The following BACH2 variants were observed in gnomAD, a reference collection of about 807,000 sequenced individuals.
BACH2 encodes transcription regulator protein BACH2.
In BACH2, 5 loss-of-function variants were observed where a neutral mutation model predicts 61.8. The ratio of observed to expected loss-of-function variants is 0.08; its 90% CI spans 0.04 to 0.17. BACH2 has a LOEUF of 0.17. Among genes scored for constraint, BACH2 ranks in the 10% least tolerant of loss-of-function variants. The pLI is 1.00. For synonymous variants in BACH2, 446 were observed against 440.1 expected (o/e 1.01, Z -0.17); for missense variants, 824 against 1,091.1 (o/e 0.76, Z 3.45).
intron 4 of BACH2, among the ~76,000 whole-genome samples, chr6:90,134,961 TG>T (rs1784222108): frequency 6.6e-6 from 1 of 152,130 alleles, no homozygotes; most frequent in South Asian, 2.1e-4. Context: ...GCAGGAAACA[TG>T]GGATGAACAG....
intron 4 of BACH2, among the ~76,000 whole-genome samples, chr6:90,196,693 C>G (rs1309793055): frequency 6.6e-6 from 1 of 151,990 alleles, no homozygotes; most frequent in African/African-American, 2.4e-5. Flanking sequence ...ACAGGTGCTC[C>G]TTGATCACTA....
chr6:90,243,367 T>C (rs528452785), intron 3 of BACH2, among the ~76,000 whole-genome samples: 153 of 152,328 alleles, frequency 1.0e-3, no homozygotes, highest in African/African-American at 3.5e-3. Context: ...TTTAGTATCA[T>C]TTTCAATGAA....
intron 2 of BACH2, among the ~76,000 whole-genome samples, chr6:90,254,856 T>C (rs1466807548): frequency 1.3e-5 from 2 of 152,210 alleles, no homozygotes; most frequent in African/African-American, 4.8e-5. Flanking sequence ...GTTATTGTAA[T>C]GTTTCAAACT....
chr6:90,240,813 A>C (rs1770425311), intron 3 of BACH2, among the ~76,000 whole-genome samples: 1 of 152,208 alleles, frequency 6.6e-6, no homozygotes, highest in South Asian at 2.1e-4. Flanking sequence ...CAGCAACCAA[A>C]GGTTAATACT....
chr6:90,164,932 T>C (rs1463450585), intron 4 of BACH2, among the ~76,000 whole-genome samples: 3 of 152,188 alleles, frequency 2.0e-5, no homozygotes, highest in Middle Eastern at 3.4e-3. Context: ...TAAGAGCTAT[T>C]TATGACAAAC....
intron 4 of BACH2, among the ~76,000 whole-genome samples, chr6:90,191,377 T>C (rs1768565203): frequency 6.6e-6 from 1 of 152,234 alleles, no homozygotes; most frequent in African/African-American, 2.4e-5. Context: ...CTTTAATGAT[T>C]AGATGGAACA....
At chr6:90,252,647 C>T (rs1277696119) in intron 2 of BACH2, 57 bp from the exon 3 acceptor site, 1 of 152,124 alleles carries the variant, frequency 6.6e-6, no homozygotes, top group South Asian at 2.1e-4. Context: ...TGTATTTGCC[C>T]ATTTTTATCA....
chr6:90,247,846 G>A (rs929117262), intron 3 of BACH2, among the ~76,000 whole-genome samples: 1 of 152,078 alleles, frequency 6.6e-6, no homozygotes, highest in Admixed American at 6.6e-5. Flanking sequence ...GTAGCACTTC[G>A]GTCTCTGCTT....
chr6:89,939,323 C>A (rs749046380), intron 7 of BACH2, among the ~76,000 whole-genome samples: 1 of 152,198 alleles, frequency 6.6e-6, no homozygotes, highest in Non-Finnish European at 1.5e-5. Flanking sequence ...TTGAGTGTAG[C>A]CCCAGCCAAC....
intron 4 of BACH2, among the ~76,000 whole-genome samples, chr6:90,120,394 T>G (rs2127819529): frequency 6.6e-6 from 1 of 152,344 alleles, no homozygotes; most frequent in Non-Finnish European, 1.5e-5. Flanking sequence ...TAAAAAACCC[T>G]ACTTTATTAA....
chr6:90,283,087 A>G (rs752598501), intron 1 of BACH2, among the ~76,000 whole-genome samples: 1 of 152,190 alleles, frequency 6.6e-6, no homozygotes, highest in Non-Finnish European at 1.5e-5. Flanking sequence ...TTTAATCTGC[A>G]TGTGTTTGTT....
intron 5 of BACH2, among the ~76,000 whole-genome samples, chr6:90,084,390 G>A (rs1045043085): frequency 2.7e-5 from 4 of 147,998 alleles, no homozygotes; most frequent in African/African-American, 7.3e-5. Flanking sequence ...ATGAACTCAT[G>A]GGGGGGGAAT....
intron 5 of BACH2, among the ~76,000 whole-genome samples, chr6:90,070,654 C>T (rs137998131): frequency 4.6e-5 from 7 of 152,342 alleles, no homozygotes; most frequent in Non-Finnish European, 1.0e-4. Context: ...AAGACAATGA[C>T]TCTCATTCCA....
chr6:90,169,167 T>C (rs1256225909), intron 4 of BACH2, among the ~76,000 whole-genome samples: 2 of 146,814 alleles, frequency 1.4e-5, no homozygotes, highest in African/African-American at 4.9e-5. Context: ...TTACTGGTGA[T>C]TAAAAAAAAA....
At chr6:89,977,354 G>A (rs6454792) in intron 6 of BACH2, among the ~76,000 whole-genome samples, 82,716 of 152,080 alleles carry the variant, frequency 0.54, 22,741 homozygotes, top group African/African-American at 0.6. Flanking sequence ...TGCTGATAGA[G>A]AAGTCTGAGC....
chr6:90,175,314 T>C (rs559331185), intron 4 of BACH2, among the ~76,000 whole-genome samples: 36 of 152,310 alleles, frequency 2.4e-4, no homozygotes, highest in African/African-American at 8.2e-4. Context: ...TTCTCATTTA[T>C]ACAATGGTTT....
chr6:90,133,702 C>G (rs1193503015), intron 4 of BACH2, among the ~76,000 whole-genome samples: 1 of 152,150 alleles, frequency 6.6e-6, no homozygotes, highest in Non-Finnish European at 1.5e-5. Context: ...TCCCCACACC[C>G]CACAACAGGC....
At chr6:90,170,201 T>C (rs1276998038) in intron 4 of BACH2, among the ~76,000 whole-genome samples, 1 of 152,202 alleles carries the variant, frequency 6.6e-6, no homozygotes, top group Non-Finnish European at 1.5e-5. Flanking sequence ...TCAGTTAATA[T>C]AGGTCTTACT....
At chr6:89,943,257 G>A in intron 7 of BACH2, among the ~76,000 whole-genome samples, 1 of 152,222 alleles carries the variant, frequency 6.6e-6, no homozygotes, top group East Asian at 1.9e-4. Flanking sequence ...GCAGAGGGGA[G>A]GCTGTAGGCT....
Sources: allele counts gnomAD v4.1 joint callset (sites outside exome capture counted in the v4.1 genomes callset), GRCh38; gene constraint gnomAD v4.1.1; transcripts MANE v1.5; gene names NCBI Gene and HGNC (gene_info 2026-07-23, HGNC 2026-07-21).